Variants in SLC2A11 observed in about 807,000 individuals in gnomAD.
SLC2A11 encodes solute carrier family 2 member 11, also known as solute carrier family 2, facilitated glucose transporter member 11.
Under a neutral mutation model 52.1 loss-of-function variants are expected in SLC2A11, and 43 were observed. That is an observed-to-expected ratio of 0.82 (90% CI 0.65 to 1.06). The LOEUF is 1.06. SLC2A11 is among the 50% of genes least tolerant of loss of function. The probability of loss-of-function intolerance (pLI) is 0.00; values close to 1 mark genes in which losing one functional copy is unlikely to be tolerated. For synonymous variants in SLC2A11, 261 were observed against 277.6 expected (o/e 0.94, Z 0.59); for missense variants, 582 against 654.2 (o/e 0.89, Z 1.20).
At chr22:23,877,285 G>T in intron 5 of SLC2A11, 114 bp downstream of exon 5, 3 of 1,529,434 alleles carry the variant, frequency 2.0e-6, no homozygotes, top group Non-Finnish European at 2.7e-6. Flanking sequence ...TGCTTTGCAT[G>T]AAGGCATCGA....
At chr22:23,870,177 G>C (rs745525337) in intron 3 of SLC2A11, 1 of 615,180 alleles carries the variant, frequency 1.6e-6, no homozygotes, top group Non-Finnish European at 2.9e-6. Flanking sequence ...CAAAAGTGGG[G>C]CTCTTCCCAC....
chr22:23,882,153 CAG>C (rs2032831812), intron 6 of SLC2A11: 2 of 465,946 alleles, frequency 4.3e-6, no homozygotes, highest in South Asian at 3.2e-5. Context: ...CACACAGACA[CAG>C]AGACAGAGAG....
intron 2 of SLC2A11, chr22:23,866,531 T>G (rs2032271766): frequency 6.0e-6 from 1 of 166,970 alleles, no homozygotes; most frequent in African/African-American, 2.4e-5. Context: ...GTTTGGAGTC[T>G]GGGGAGTCCA....
chr22:23,877,735 G>T lies in SLC2A11; in HGVS notation c.560G>T (p.Gly187Val). The T allele has an allele frequency of 6.3e-7, 1 of 1,593,812 alleles. No homozygotes were observed. Among genetic ancestry groups the T allele is most frequent in the Non-Finnish European group, 8.5e-7 (1 of 1,171,590 alleles). Residue 187 changes from glycine (G) to valine (V), a missense_variant, in exon 6 of 12, where the codon GGC (glycine) becomes GTC (valine). Gly to Val is a moderately radical substitution (Grantham distance 109). Coordinates refer to ENST00000316185, the MANE Select transcript of SLC2A11 (RefSeq NM_001024939.4). ...QVVGLRELLG[G>V]PQAWPLLLAS... ...TGCCTCCTTAGGGAGCTCCTAGGTG[G>T]CCCTCAGGCCTGGCCCCTGCTGCTG...
In SLC2A11 at chr22:23,868,510, G is replaced by A; in HGVS notation, c.159G>A (p.Trp53Ter). The A allele has an allele frequency of 6.2e-7, 1 of 1,614,202 alleles. No homozygotes were observed. ...TTCAGGAATTCACCAATGAGACATG[G>A]CAGGCGCGTACTGGAGAGCCACTGC... ...LHIQEFTNET[W>*]QARTGEPLPD... Residue 53 changes from tryptophan to a stop codon, truncating the protein, a stop_gained, in exon 3 of 12, where the codon TGG becomes TGA. Coordinates refer to ENST00000316185, the MANE Select transcript of SLC2A11 (RefSeq NM_001024939.4). LOFTEE classifies it high-confidence loss of function.
At chr22:23,876,073 C>T (rs1236023788) in intron 4 of SLC2A11, among the ~76,000 whole-genome samples, 1 of 151,948 alleles carries the variant, frequency 6.6e-6, no homozygotes, top group African/African-American at 2.4e-5. Flanking sequence ...TGGCAGCTGG[C>T]TTCTTCCAGA....
At chr22:23,882,979 G>A in intron 8 of SLC2A11, 110 bp downstream of exon 8, 2 of 1,032,680 alleles carry the variant, frequency 1.9e-6, no homozygotes, top group Non-Finnish European at 2.9e-6. Context: ...TGCAGTGAGG[G>A]GCCAGGTGCG....
intron 3 of SLC2A11, among the ~76,000 whole-genome samples, chr22:23,874,073 C>G (rs2032540556): frequency 6.6e-6 from 1 of 152,182 alleles, no homozygotes; most frequent in Middle Eastern, 3.2e-3. Flanking sequence ...GAGCAGGTGA[C>G]ATTTCCAATG....
Position 23,875,142 on chromosome 22 carries a change from A to G in SLC2A11, c.316A>G (p.Ile106Val). 1 of 1,593,872 alleles carries G rather than the reference A, an allele frequency of 6.3e-7. No individual in the cohort carries two copies. The highest frequency in any genetic ancestry group is 8.5e-7 in the Non-Finnish European group (1 of 1,170,050). Residue 106 changes from isoleucine (I) to valine (V), a missense_variant, in exon 4 of 12, where the codon ATC (isoleucine) becomes GTC (valine). Transcript: ENST00000316185. ...GAAGAAGTCCCTCCTGGTGAATAAC[A>G]TCTTTGTGGTGTCAGCAGCAATCCT... ...GRKKSLLVNN[I>V]FVVSAAILFG...
At position 23,885,284 on chromosome 22, in the gene SLC2A11, G is replaced by C. The variant is rs2032964803; in HGVS notation, c.*435G>C. 2 of 237,060 alleles carry C rather than the reference G, an allele frequency of 8.4e-6. No individual in the cohort carries two copies. The highest frequency in any genetic ancestry group is 2.2e-5 in the African/African-American group (1 of 44,538). 14.7% of individuals were successfully genotyped at this position (237,060 alleles called of 1,614,324 possible). A position where few individuals can be genotyped will look rare whatever the true frequency, so the allele number is the denominator to read the frequency against. On this transcript the variant is annotated 3_prime_UTR_variant, in exon 12 of 12. Transcript: ENST00000316185. ...GCAGCAGGATCACTTGAGTCCAAGA[G>C]TTCAAGGTAGCAGTAAGCTACAATC...
chr22:23,869,836 C>T, intron 3 of SLC2A11: 1 of 594,418 alleles, frequency 1.7e-6, no homozygotes, highest in Admixed American at 3.1e-5. Context: ...CAAGATGGTG[C>T]CTTGTCCCTG....
At position 23,882,456 on chromosome 22, in the gene SLC2A11, C is replaced by G. The variant is rs1349981445; in HGVS notation, c.695-3C>G. On this transcript the variant is annotated splice_region_variant and splice_polypyrimidine_tract_variant and intron_variant, in intron 6 of 11. Transcript: ENST00000316185. The stretch of plus-strand genomic sequence containing the variant: ...GAGCTCAGTACCCTCCTCCCTGGCT[C>G]AGCACTACGGCGGCTCCGGGGCTCC... The G allele has an allele frequency of 2.6e-6, 4 of 1,532,964 alleles. No homozygotes were observed. In the African/African-American group the frequency reaches 5.5e-5, roughly 21 times the overall value. 95.0% of individuals were successfully genotyped at this position (1,532,964 alleles called of 1,614,324 possible).
chr22:23,877,688 G>T, intron 5 of SLC2A11, 33 bp from the exon 6 acceptor site: 1 of 1,532,470 alleles, frequency 6.5e-7, no homozygotes. Flanking sequence ...TGGCAAAGAG[G>T]CATCTGGCCT....
intron 3 of SLC2A11, among the ~76,000 whole-genome samples, chr22:23,873,658 A>G (rs928646966): frequency 6.6e-6 from 1 of 152,156 alleles, no homozygotes; most frequent in African/African-American, 2.4e-5. Context: ...TGTTCCAGCA[A>G]GGTGAATGCT....
At chr22:23,876,963 G>T in intron 4 of SLC2A11, 79 bp from the exon 5 acceptor site, 1 of 1,606,738 alleles carries the variant, frequency 6.2e-7, no homozygotes, top group Non-Finnish European at 8.5e-7. Flanking sequence ...TGCTGAGTGG[G>T]GCAGGGGAGA....
At chr22:23,857,769 G>T (rs932958702), upstream of SLC2A11, 9 of 1,404,912 alleles carry the variant, frequency 6.4e-6, no homozygotes, top group African/African-American at 8.7e-5. Context: ...AGCGTTGCGC[G>T]AACCCTCAGC....
At chr22:23,857,271 T>C (rs774593559), upstream of SLC2A11, 38 of 771,334 alleles carry the variant, frequency 4.9e-5, no homozygotes, top group Non-Finnish European at 6.8e-5. Flanking sequence ...CCAGAGACTG[T>C]AGCAAAGGAG....
intron 1 of SLC2A11, among the ~76,000 whole-genome samples, chr22:23,859,130 C>T (rs1017961656): frequency 6.6e-6 from 1 of 152,200 alleles, no homozygotes; most frequent in Non-Finnish European, 1.5e-5. Flanking sequence ...GCACTGTGTT[C>T]GCTGCTTCCT....
rs145251251 is a variant in SLC2A11, at chr22:23,867,564, C to T, written c.130-917C>T. ...AATGAGCCCCATTTCATCATACCTG[C>T]GCTTATGGTAATGAGATGACAGGGT... On this transcript the variant is annotated intron_variant, in intron 2 of 11. Transcript: ENST00000316185. The T allele has an allele frequency of 2.8e-3, 1,110 of 390,270 alleles. 14 individuals are homozygous for T. Among genetic ancestry groups the T allele is most frequent in the Non-Finnish European group, 1.9e-3 (364 of 189,444 alleles). The allele number at this position is 390,270 out of a possible 1,614,324, so 24.2% of individuals were successfully genotyped here. A position where few individuals can be genotyped will look rare whatever the true frequency, so the allele number is the denominator to read the frequency against.
Sources: gnomAD v4.1 joint callset for allele counts (sites outside exome capture counted in the v4.1 genomes callset) on GRCh38, gnomAD v4.1.1 for gene constraint, MANE v1.5 for transcripts, NCBI Gene and HGNC (gene_info 2026-07-23, HGNC 2026-07-21) for gene names.